Variants in CA13 observed in about 807,000 individuals in gnomAD.
The protein encoded by CA13 is CA-XIII.
A neutral mutation model predicts 31.5 loss-of-function variants in CA13; 21 were observed. The observed-to-expected ratio is 0.67, with a 90% CI of 0.47 to 0.96. The LOEUF (loss-of-function observed/expected upper bound fraction) is 0.96, where lower values mean the gene tolerates loss of function less well. Ranked by LOEUF, CA13 falls within the 40% of genes least tolerant of loss-of-function variation. CA13 has a pLI of 0.00. For synonymous variants in CA13, 117 were observed against 111.4 expected (o/e 1.05, Z -0.32); for missense variants, 315 against 318.9 (o/e 0.99, Z 0.09).
At chr8:85,278,272 A>AC (rs1412976422) in intron 6 of CA13, among the ~76,000 whole-genome samples, 1 of 150,894 alleles carries the variant, frequency 6.6e-6, no homozygotes, top group Non-Finnish European at 1.5e-5. Context: ...TCTCAAAAAA[A>AC]AAAAAAAAAA....
At chr8:85,252,696 T>C (rs1437733593) in intron 2 of CA13, among the ~76,000 whole-genome samples, 2 of 152,228 alleles carry the variant, frequency 1.3e-5, no homozygotes, top group East Asian at 3.8e-4. Context: ...TTTTAGGGCC[T>C]CTGACAGATT....
intron 2 of CA13, among the ~76,000 whole-genome samples, chr8:85,256,302 A>G (rs989570553): frequency 1.3e-5 from 2 of 152,244 alleles, no homozygotes; most frequent in Non-Finnish European, 1.5e-5. Flanking sequence ...AGTAACTACT[A>G]CTACTAACAA....
At chr8:85,255,999 A>G (rs1273107368) in intron 2 of CA13, among the ~76,000 whole-genome samples, 3 of 151,574 alleles carry the variant, frequency 2.0e-5, no homozygotes, top group Non-Finnish European at 2.9e-5. Context: ...TGCCTGGCAC[A>G]TGGTAGGTGC....
chr8:85,254,298 C>A, intron 2 of CA13, among the ~76,000 whole-genome samples: 2 of 149,978 alleles, frequency 1.3e-5, no homozygotes, highest in African/African-American at 2.5e-5. Flanking sequence ...AAAAGTAAAG[C>A]TACCCATTCC....
chr8:85,247,312 C>T (rs758560810), intron 1 of CA13, among the ~76,000 whole-genome samples: 5 of 152,044 alleles, frequency 3.3e-5, no homozygotes, highest in Non-Finnish European at 7.4e-5. Flanking sequence ...ATATTGATTA[C>T]TCTTTAGTAG....
At chr8:85,276,934 G>A (rs1271883885) in intron 6 of CA13, among the ~76,000 whole-genome samples, 2 of 152,168 alleles carry the variant, frequency 1.3e-5, no homozygotes, top group Admixed American at 1.3e-4. Flanking sequence ...GTCTAGCTCA[G>A]GGTTTGTGAA....
Position 85,281,537 on chromosome 8 carries a change from G to C in CA13, c.*188G>C. On this transcript the variant is annotated 3_prime_UTR_variant, in exon 7 of 7. Coordinates refer to ENST00000321764, the MANE Select transcript of CA13 (RefSeq NM_198584.3). ...TTTTTTTTTATTTTTTTTAGTGATAGAGTCTCACTCTGTCACCCAGGCTGG... is the reference window on the plus strand; with the variant it reads ...TTTTTTTTTATTTTTTTTAGTGATACAGTCTCACTCTGTCACCCAGGCTGG... 1 of 1,278,478 alleles carries C rather than the reference G, an allele frequency of 7.8e-7. No homozygotes were observed. Among genetic ancestry groups the C allele is most frequent in the Non-Finnish European group, 1.0e-6 (1 of 999,900 alleles). The allele number at this position is 1,278,478 out of a possible 1,614,324, so 79.2% of individuals were successfully genotyped here. A position where few individuals can be genotyped will look rare whatever the true frequency, so the allele number is the denominator to read the frequency against.
chr8:85,264,447 T>TG (rs1230588548), intron 3 of CA13, among the ~76,000 whole-genome samples: 3 of 152,178 alleles, frequency 2.0e-5, no homozygotes, highest in Non-Finnish European at 4.4e-5. Flanking sequence ...TTGCTTTTTT[T>TG]TTGTTTTAAT....
chr8:85,248,450 T>A (rs1813768278), intron 1 of CA13, among the ~76,000 whole-genome samples: 3 of 145,080 alleles, frequency 2.1e-5, no homozygotes, highest in African/African-American at 7.7e-5. Context: ...AGAGTGAAAC[T>A]CTGTCTCAAA....
intron 6 of CA13, among the ~76,000 whole-genome samples, chr8:85,269,656 C>T (rs1053499570): frequency 6.6e-6 from 1 of 152,142 alleles, no homozygotes; most frequent in African/African-American, 2.4e-5. Flanking sequence ...TCTGTGTAGA[C>T]ATCTACTCAC....
intron 4 of CA13, among the ~76,000 whole-genome samples, 191 bp downstream of exon 4, chr8:85,266,894 T>C (rs1053235143): frequency 5.9e-5 from 9 of 152,218 alleles, no homozygotes; most frequent in African/African-American, 2.2e-4. Context: ...TTATTGTCCA[T>C]TGATCATTTT....
chr8:85,250,651 A>C lies in CA13; in HGVS notation c.38-89A>C, dbSNP rs1177735404. On this transcript the variant is annotated intron_variant, in intron 1 of 6. Coordinates refer to ENST00000321764, the MANE Select transcript of CA13 (RefSeq NM_198584.3). ...TTTTATTAATCTTTGCGTTTTCTTC[A>C]ATTTCAAGCACAGTGTGTTATACTC... 4 of 787,110 alleles carry C rather than the reference A, an allele frequency of 5.1e-6. No individual in the cohort carries two copies. In the South Asian group the frequency reaches 6.1e-5, roughly 12 times the overall value. The allele number at this position is 787,110 out of a possible 1,614,324, so 48.8% of individuals were successfully genotyped here.
chr8:85,263,744 G>C (rs1272732255), intron 3 of CA13, among the ~76,000 whole-genome samples: 1 of 152,154 alleles, frequency 6.6e-6, no homozygotes, highest in African/African-American at 2.4e-5. Context: ...TGAGATGTCT[G>C]TTAGGCATTC....
Position 85,267,774 on chromosome 8 carries a change from A to G in CA13, c.451-128A>G, listed in dbSNP as rs770066766. On this transcript the variant is annotated intron_variant, in intron 4 of 6. Coordinates refer to ENST00000321764, the MANE Select transcript of CA13 (RefSeq NM_198584.3). ...GGTAAAAGAGAAGCTTTGTTGTAGA[A>G]CAATCACTGTATGTTCTGTGCTGGC... The G allele has an allele frequency of 2.5e-4, 137 of 538,188 alleles. 2 individuals carry two copies. In the Middle Eastern group the frequency reaches 2.8e-3, roughly 11 times the overall value. The allele number at this position is 538,188 out of a possible 1,614,324, so 33.3% of individuals were successfully genotyped here.
chr8:85,268,768 G>C, intron 6 of CA13, 141 bp downstream of exon 6: 2 of 679,812 alleles, frequency 2.9e-6, no homozygotes, highest in Middle Eastern at 4.2e-4. Flanking sequence ...CGTTGGGCTA[G>C]ATGAGACCTA....
chr8:85,247,943 A>T (rs1813760208), intron 1 of CA13, among the ~76,000 whole-genome samples: 1 of 152,132 alleles, frequency 6.6e-6, no homozygotes, highest in Non-Finnish European at 1.5e-5. Flanking sequence ...GAGCAGATAA[A>T]AGGAAACTTA....
intron 1 of CA13, chr8:85,246,615 TTTC>T (rs1813736099): frequency 4.7e-6 from 2 of 422,840 alleles, no homozygotes; most frequent in African/African-American, 2.0e-5. Flanking sequence ...GACATACACT[TTTC>T]TTCTTGTATA....
chr8:85,250,813 A>G lies in CA13; in HGVS notation c.111A>G (p.Lys37=). 1 of 1,614,082 alleles carries G rather than the reference A, an allele frequency of 6.2e-7. No homozygotes were observed. The highest frequency in any genetic ancestry group is 8.5e-7 in the Non-Finnish European group (1 of 1,179,960). ...AATCTCCAATTGAGATTAAAACCAA[A>G]GAAGTGAAATATGACTCTTCCCTCC... ...DQQSPIEIKT[K]EVKYDSSLRP... The change falls in exon 2 of 7, where the codon AAA becomes AAG. Residue 37 remains lysine, a synonymous_variant. Coordinates refer to ENST00000321764, the MANE Select transcript of CA13 (RefSeq NM_198584.3).
At chr8:85,262,429 A>G (rs192997031) in intron 3 of CA13, among the ~76,000 whole-genome samples, 4 of 152,248 alleles carry the variant, frequency 2.6e-5, no homozygotes, top group Admixed American at 1.3e-4. Context: ...TTTGCATAAA[A>G]TCATGTGTGA....
Sources: gnomAD v4.1 joint callset for allele counts (sites outside exome capture counted in the v4.1 genomes callset) on GRCh38, gnomAD v4.1.1 for gene constraint, MANE v1.5 for transcripts, NCBI Gene and HGNC (gene_info 2026-07-23, HGNC 2026-07-21) for gene names.